Variants in SPOCK1 observed in about 807,000 individuals in gnomAD.
SPOCK1 encodes the protein SPARC (osteonectin), cwcv and kazal like domains proteoglycan 1, also known as testican-1.
SPOCK1 carries 23 observed loss-of-function variants against 55.3 expected under a neutral mutation model. That is an observed-to-expected ratio of 0.42 (90% CI 0.30 to 0.59). SPOCK1 has a LOEUF of 0.59. Among genes scored for constraint, SPOCK1 ranks in the 20% least tolerant of loss-of-function variants. The pLI, the probability that SPOCK1 is intolerant of heterozygous loss-of-function variation, is 0.22. For synonymous variants in SPOCK1, 226 were observed against 221.0 expected (o/e 1.02, Z -0.20); for missense variants, 499 against 552.5 (o/e 0.90, Z 0.97).
intron 2 of SPOCK1, among the ~76,000 whole-genome samples, chr5:137,347,859 G>A (rs1021513751): frequency 3.9e-5 from 6 of 152,196 alleles, no homozygotes; most frequent in African/African-American, 1.4e-4. Flanking sequence ...CCCTACACGT[G>A]CCCTTCCTGA....
chr5:137,119,389 T>G (rs139700599), intron 4 of SPOCK1, among the ~76,000 whole-genome samples: 2 of 152,348 alleles, frequency 1.3e-5, no homozygotes, highest in East Asian at 3.9e-4. Flanking sequence ...TAATCTGTCA[T>G]GTAAAACGAT....
chr5:137,110,676 G>C (rs1472532985), intron 5 of SPOCK1, among the ~76,000 whole-genome samples: 1 of 152,192 alleles, frequency 6.6e-6, no homozygotes, highest in Non-Finnish European at 1.5e-5. Context: ...TATTGAGAAA[G>C]GCTATAATCT....
chr5:137,418,617 C>T (rs1226882612), intron 2 of SPOCK1, among the ~76,000 whole-genome samples: 2 of 152,176 alleles, frequency 1.3e-5, no homozygotes, highest in Non-Finnish European at 2.9e-5. Context: ...TGAGAAGTGT[C>T]TGTTCATATC....
At chr5:137,349,119 C>G (rs1750624249) in intron 2 of SPOCK1, among the ~76,000 whole-genome samples, 1 of 152,212 alleles carries the variant, frequency 6.6e-6, no homozygotes, top group Non-Finnish European at 1.5e-5. Context: ...AGGCAAGCTG[C>G]TGAGTCCTTA....
At chr5:137,432,064 C>T (rs974821815) in intron 2 of SPOCK1, among the ~76,000 whole-genome samples, 6 of 152,098 alleles carry the variant, frequency 3.9e-5, no homozygotes, top group Non-Finnish European at 8.8e-5. Context: ...CACTTCACAC[C>T]CCTTAGGATG....
rs191224467 is a variant in SPOCK1, at chr5:137,253,240, A to C, written c.232+13770T>G. On this transcript the variant is annotated intron_variant, in intron 3 of 10. Transcript: ENST00000394945. ...CAATAGGTTAGTTCTAAATTCATGAAACTGAAGCTCTACAATGAGTGGGTA... is the reference window on the plus strand; with the variant it reads ...CAATAGGTTAGTTCTAAATTCATGACACTGAAGCTCTACAATGAGTGGGTA... Among the ~76,000 whole-genome samples the C allele has an allele frequency of 3.5e-3, 533 of 152,348 alleles. 1 individual carries two copies. Among genetic ancestry groups the C allele is most frequent in the Non-Finnish European group, 3.5e-3 (237 of 68,038 alleles).
chr5:137,134,649 A>C (rs1753947030), intron 4 of SPOCK1, among the ~76,000 whole-genome samples: 1 of 152,214 alleles, frequency 6.6e-6, no homozygotes, highest in Non-Finnish European at 1.5e-5. Context: ...CAGAAAGCCA[A>C]CCAGACACCC....
intron 2 of SPOCK1, among the ~76,000 whole-genome samples, chr5:137,345,179 A>T (rs1214651846): frequency 6.6e-6 from 1 of 152,236 alleles, no homozygotes; most frequent in Non-Finnish European, 1.5e-5. Flanking sequence ...AATTGTTTGG[A>T]GCCAAGTGAT....
chr5:137,433,073 T>C (rs755905066), intron 2 of SPOCK1, among the ~76,000 whole-genome samples: 2 of 152,224 alleles, frequency 1.3e-5, no homozygotes, highest in Non-Finnish European at 2.9e-5. Context: ...ATAGCCACAC[T>C]ACAAGGTAAG....
At chr5:137,114,349 G>A (rs537523461) in intron 4 of SPOCK1, among the ~76,000 whole-genome samples, 143 of 152,272 alleles carry the variant, frequency 9.4e-4, no homozygotes, top group African/African-American at 3.3e-3. Flanking sequence ...TGTAGAGAGT[G>A]TCCAGGGATG....
At chr5:137,006,043 T>C (rs2126971458) in intron 6 of SPOCK1, among the ~76,000 whole-genome samples, 1 of 152,334 alleles carries the variant, frequency 6.6e-6, no homozygotes, top group South Asian at 2.1e-4. Context: ...CTGAAGCCTC[T>C]GTTCTGTTCC....
At chr5:137,024,320 G>GGC (rs1561583098) in intron 6 of SPOCK1, among the ~76,000 whole-genome samples, 1 of 147,680 alleles carries the variant, frequency 6.8e-6, no homozygotes, top group African/African-American at 2.5e-5. Context: ...TTGAAGGGGG[G>GGC]GGGGTAGTTA....
At chr5:137,438,651 C>CACAT (rs1011688187) in intron 2 of SPOCK1, among the ~76,000 whole-genome samples, 2 of 15,920 alleles carry the variant, frequency 1.3e-4, no homozygotes, top group African/African-American at 2.0e-4. Context: ...TTTGCATATG[C>CACAT]ACACACACAC....
intron 2 of SPOCK1, among the ~76,000 whole-genome samples, chr5:137,497,725 G>C (rs1358251908): frequency 4.6e-5 from 7 of 152,120 alleles, no homozygotes; most frequent in Non-Finnish European, 7.4e-5. Context: ...TGCCACCCAG[G>C]GTCCCTTTCA....
intron 9 of SPOCK1, among the ~76,000 whole-genome samples, chr5:136,979,880 G>A (rs1750696357): frequency 6.6e-6 from 1 of 152,164 alleles, no homozygotes. Flanking sequence ...CAAGGCATCT[G>A]CTAGTAAATA....
chr5:137,130,334 A>T (rs1360354074), intron 4 of SPOCK1, among the ~76,000 whole-genome samples: 2 of 152,066 alleles, frequency 1.3e-5, no homozygotes, highest in Non-Finnish European at 2.9e-5. Context: ...TCATCATAAA[A>T]CTCCAAACAT....
At chr5:137,014,078 C>T (rs1751402734) in intron 6 of SPOCK1, among the ~76,000 whole-genome samples, 1 of 152,016 alleles carries the variant, frequency 6.6e-6, no homozygotes, top group South Asian at 2.1e-4. Flanking sequence ...GAGGTGGATC[C>T]CTCATGGCTT....
intron 2 of SPOCK1, among the ~76,000 whole-genome samples, chr5:137,437,972 G>C (rs766199888): frequency 1.3e-5 from 2 of 152,082 alleles, no homozygotes; most frequent in Non-Finnish European, 2.9e-5. Context: ...CTGTGATTCT[G>C]ACTACTCTAA....
intron 3 of SPOCK1, among the ~76,000 whole-genome samples, chr5:137,192,605 G>A (rs1168234410): frequency 1.3e-5 from 2 of 152,172 alleles, no homozygotes; most frequent in Non-Finnish European, 2.9e-5. Flanking sequence ...TCCTAACCAG[G>A]GCACTGAAGG....
Sources: gnomAD v4.1 joint callset for allele counts (sites outside exome capture counted in the v4.1 genomes callset) on GRCh38, gnomAD v4.1.1 for gene constraint, MANE v1.5 for transcripts, NCBI Gene and HGNC (gene_info 2026-07-23, HGNC 2026-07-21) for gene names.